FAM185A: variants seen among roughly 807,000 people sequenced by gnomAD.
FAM185A encodes the protein protein FAM185A.
Under a neutral mutation model 45.7 loss-of-function variants are expected in FAM185A, and 21 were observed. That is an observed-to-expected ratio of 0.46 (90% CI 0.33 to 0.66). The LOEUF is 0.66. Among genes scored for constraint, FAM185A ranks in the 30% least tolerant of loss-of-function variants. The pLI is 0.03. For synonymous variants in FAM185A, 117 were observed against 194.0 expected (o/e 0.60, Z 3.30); for missense variants, 305 against 485.4 (o/e 0.63, Z 3.49).
downstream of FAM185A, among the ~76,000 whole-genome samples, chr7:102,810,363 G>A (rs1797360448): frequency 6.6e-6 from 1 of 151,788 alleles, no homozygotes; most frequent in South Asian, 2.1e-4. Flanking sequence ...CACCACAGTA[G>A]CTAGCATTAC....
At chr7:102,767,562 T>C (rs540078854) in intron 4 of FAM185A, among the ~76,000 whole-genome samples, 11,876 of 147,846 alleles carry the variant, frequency 0.08, 823 homozygotes, top group African/African-American at 0.18. Flanking sequence ...CTGTGATAAT[T>C]GGTATTCTCC....
chr7:102,803,158 GGAA>G (rs1305034791), intron 7 of FAM185A, among the ~76,000 whole-genome samples: 3 of 151,998 alleles, frequency 2.0e-5, no homozygotes, highest in Non-Finnish European at 2.9e-5. Context: ...AGAGAAAGAA[GGAA>G]CACTCCCTAA....
intron 5 of FAM185A, among the ~76,000 whole-genome samples, chr7:102,773,131 GAA>G (rs1794856940): frequency 6.8e-6 from 1 of 147,620 alleles, no homozygotes. Context: ...AGAAAAATGA[GAA>G]AGAGTTATAT....
At chr7:102,846,208 TATA>T in the FAM185A span, among the ~76,000 whole-genome samples, 1 of 152,194 alleles carries the variant, frequency 6.6e-6, no homozygotes, top group Non-Finnish European at 1.5e-5. Flanking sequence ...AAAAAAAAAT[TATA>T]ATGATTTCTG....
intron 4 of FAM185A, among the ~76,000 whole-genome samples, chr7:102,771,988 ATAAAAG>A (rs1278964067): frequency 1.3e-5 from 2 of 150,198 alleles, no homozygotes; most frequent in Non-Finnish European, 3.0e-5. Flanking sequence ...GGCCTGAAAA[ATAAAAG>A]TAATTCTTTT....
chr7:102,762,976 T>C (rs1794196289), intron 4 of FAM185A, among the ~76,000 whole-genome samples: 3 of 143,170 alleles, frequency 2.1e-5, no homozygotes, highest in Admixed American at 1.4e-4. Context: ...CTGTGCTTAA[T>C]GTATTTAGTA....
At chr7:102,788,645 A>G (rs1321992377) in intron 7 of FAM185A, among the ~76,000 whole-genome samples, 1 of 152,230 alleles carries the variant, frequency 6.6e-6, no homozygotes, top group Non-Finnish European at 1.5e-5. Flanking sequence ...ATGAAAATCT[A>G]AGTACAGTCA....
At chr7:102,769,398 C>A (rs1229920077) in intron 4 of FAM185A, among the ~76,000 whole-genome samples, 1 of 151,844 alleles carries the variant, frequency 6.6e-6, no homozygotes, top group East Asian at 1.9e-4. Context: ...ATGACAAGCA[C>A]TAATGATTGG....
At chr7:102,833,060 T>G in the FAM185A span, 1 of 1,420,676 alleles carries the variant, frequency 7.0e-7, no homozygotes, top group Non-Finnish European at 9.6e-7. Context: ...AATGTACATT[T>G]CAGTCCCTGA....
chr7:102,844,310 C>T, the FAM185A span, among the ~76,000 whole-genome samples: 1 of 152,096 alleles, frequency 6.6e-6, no homozygotes, highest in Admixed American at 6.6e-5. Flanking sequence ...CTTCGCCTCC[C>T]CTCCAAACCA....
intron 6 of FAM185A, among the ~76,000 whole-genome samples, chr7:102,783,926 T>C (rs892947609): frequency 1.3e-5 from 2 of 152,102 alleles, no homozygotes; most frequent in African/African-American, 4.8e-5. Context: ...ACAAAATTGA[T>C]AGACCGCTAG....
At chr7:102,775,408 T>C (rs1276731502) in intron 5 of FAM185A, among the ~76,000 whole-genome samples, 1 of 152,168 alleles carries the variant, frequency 6.6e-6, no homozygotes, top group Non-Finnish European at 1.5e-5. Flanking sequence ...ACAAAAAAAA[T>C]AGGAGGGCTT....
chr7:102,790,355 C>T (rs1342909522), intron 7 of FAM185A, among the ~76,000 whole-genome samples: 1 of 152,064 alleles, frequency 6.6e-6, no homozygotes, highest in Non-Finnish European at 1.5e-5. Flanking sequence ...TATGGGACAA[C>T]CATCATTTCT....
chr7:102,831,431 A>ACACACACACC, the FAM185A span, among the ~76,000 whole-genome samples: 6 of 147,126 alleles, frequency 4.1e-5, no homozygotes, highest in African/African-American at 1.0e-4. Context: ...ACACACACAC[A>ACACACACACC]CCCCACTACA....
intron 4 of FAM185A, among the ~76,000 whole-genome samples, chr7:102,769,284 C>T (rs1794599477): frequency 6.6e-6 from 1 of 151,624 alleles, no homozygotes; most frequent in African/African-American, 2.4e-5. Flanking sequence ...ATCTGAGACT[C>T]TATAGGTCCC....
the FAM185A span, among the ~76,000 whole-genome samples, chr7:102,842,159 C>CGA: frequency 1.3e-5 from 2 of 152,186 alleles, no homozygotes; most frequent in Non-Finnish European, 2.9e-5. Flanking sequence ...TCCACCTCCC[C>CGA]ATACAAGAGA....
At chr7:102,840,156 T>C in the FAM185A span, among the ~76,000 whole-genome samples, 1 of 152,200 alleles carries the variant, frequency 6.6e-6, no homozygotes, top group Non-Finnish European at 1.5e-5. Flanking sequence ...AGAATGTATA[T>C]TGGGAAAACC....
At chr7:102,762,163 T>C (rs2908625) in intron 4 of FAM185A, among the ~76,000 whole-genome samples, 12,967 of 152,250 alleles carry the variant, frequency 0.085, 796 homozygotes, top group East Asian at 0.2. Flanking sequence ...GTTTTGCGTG[T>C]ATTTGTACTG....
chr7:102,835,603 GTTTTTTTTTTT>G, the FAM185A span, among the ~76,000 whole-genome samples: 17 of 97,498 alleles, frequency 1.7e-4, 1 homozygote, highest in Admixed American at 1.1e-3. Flanking sequence ...AGGTGACATT[GTTTTTTTTTTT>G]TTTTTTTTTT....
Sources: gnomAD v4.1 joint callset for allele counts (sites outside exome capture counted in the v4.1 genomes callset) on GRCh38, gnomAD v4.1.1 for gene constraint, MANE v1.5 for transcripts, NCBI Gene and HGNC (gene_info 2026-07-23, HGNC 2026-07-21) for gene names.